CAMKMT: variants seen among roughly 807,000 people sequenced by gnomAD.
CAMKMT encodes the protein calmodulin-lysine N-methyltransferase.
A neutral mutation model predicts 48.0 loss-of-function variants in CAMKMT; 53 were observed. That is an observed-to-expected ratio of 1.10 (90% CI 0.89 to 1.39). The LOEUF (loss-of-function observed/expected upper bound fraction) is 1.39. Ranked by LOEUF, CAMKMT falls within the 40% of genes most tolerant of loss-of-function variation. The pLI is 0.00. For missense variants in CAMKMT, 428 were observed against 402.7 expected, an observed-to-expected ratio of 1.06 and a Z score of -0.54; for synonymous variants, 165 against 152.3, an observed-to-expected ratio of 1.08 and a Z score of -0.61.
chr2:44,719,327 A>G (rs1272040590), intron 7 of CAMKMT, among the ~76,000 whole-genome samples: 1 of 152,106 alleles, frequency 6.6e-6, no homozygotes, highest in African/African-American at 2.4e-5. Context: ...AACATGGCAT[A>G]GTTTCTTTTT....
intron 7 of CAMKMT, among the ~76,000 whole-genome samples, chr2:44,717,821 A>G (rs561138838): frequency 1.3e-5 from 2 of 151,742 alleles, no homozygotes; most frequent in South Asian, 2.1e-4. Flanking sequence ...TATGAGAACT[A>G]TAAGCCTAAG....
At chr2:44,636,089 A>G (rs1673114621) in intron 3 of CAMKMT, among the ~76,000 whole-genome samples, 3 of 152,222 alleles carry the variant, frequency 2.0e-5, no homozygotes, top group Non-Finnish European at 4.4e-5. Context: ...TCTGACAGGA[A>G]TATTTTTTTC....
intron 3 of CAMKMT, among the ~76,000 whole-genome samples, chr2:44,527,765 C>A (rs373166470): frequency 6.9e-6 from 1 of 144,454 alleles, no homozygotes; most frequent in African/African-American, 2.5e-5. Flanking sequence ...CTCATGACCC[C>A]CTCCTCCCAC....
chr2:44,673,269 T>G (rs1675437222), intron 3 of CAMKMT, among the ~76,000 whole-genome samples: 1 of 151,326 alleles, frequency 6.6e-6, no homozygotes, highest in African/African-American at 2.4e-5. Flanking sequence ...CTACAAAAAT[T>G]TCAAAAAGTC....
chr2:44,750,727 G>A (rs74873061), intron 8 of CAMKMT, among the ~76,000 whole-genome samples: 6,317 of 152,198 alleles, frequency 0.042, 167 homozygotes, highest in Admixed American at 0.059. Flanking sequence ...GAAATGCAAA[G>A]ATGAGGCCGG....
intron 3 of CAMKMT, among the ~76,000 whole-genome samples, chr2:44,570,009 C>T (rs1344620549): frequency 6.6e-6 from 1 of 151,784 alleles, no homozygotes; most frequent in Non-Finnish European, 1.5e-5. Flanking sequence ...CTCTAAATAC[C>T]AAATTCATAG....
intron 3 of CAMKMT, among the ~76,000 whole-genome samples, chr2:44,415,261 A>G (rs971615951): frequency 1.1e-4 from 16 of 152,256 alleles, no homozygotes; most frequent in African/African-American, 3.9e-4. Flanking sequence ...AGATTTCATC[A>G]AGTAGGTAGC....
At chr2:44,675,807 C>G (rs1483648723) in intron 3 of CAMKMT, among the ~76,000 whole-genome samples, 3 of 152,132 alleles carry the variant, frequency 2.0e-5, no homozygotes, top group Non-Finnish European at 4.4e-5. Flanking sequence ...AACTCTGTCA[C>G]CATTAAACAA....
At chr2:44,656,425 C>A (rs371960589) in intron 3 of CAMKMT, among the ~76,000 whole-genome samples, 1 of 151,834 alleles carries the variant, frequency 6.6e-6, no homozygotes, top group East Asian at 1.9e-4. Flanking sequence ...CCTGGCTTCT[C>A]AATAAGAGTG....
At chr2:44,499,993 A>T (rs1321005129) in intron 3 of CAMKMT, among the ~76,000 whole-genome samples, 3 of 152,108 alleles carry the variant, frequency 2.0e-5, no homozygotes, top group African/African-American at 7.2e-5. Flanking sequence ...CATATTTATT[A>T]TCTATCCTAG....
At chr2:44,522,798 G>C (rs554157041) in intron 3 of CAMKMT, among the ~76,000 whole-genome samples, 1 of 152,128 alleles carries the variant, frequency 6.6e-6, no homozygotes, top group African/African-American at 2.4e-5. Flanking sequence ...TTTGAGAATG[G>C]AATAGTTCAT....
At chr2:44,558,813 AAACT>A (rs1352779513) in intron 3 of CAMKMT, among the ~76,000 whole-genome samples, 1 of 152,270 alleles carries the variant, frequency 6.6e-6, no homozygotes, top group East Asian at 1.9e-4. Flanking sequence ...GAGGGTTCAA[AAACT>A]AACTATTGGG....
chr2:44,485,783 T>C (rs569060021), intron 3 of CAMKMT, among the ~76,000 whole-genome samples: 9 of 152,324 alleles, frequency 5.9e-5, no homozygotes, highest in African/African-American at 2.2e-4. Context: ...ATGCAACAGA[T>C]GACTATACTA....
intron 3 of CAMKMT, among the ~76,000 whole-genome samples, chr2:44,614,474 G>C (rs1671763257): frequency 6.6e-6 from 1 of 152,206 alleles, no homozygotes; most frequent in East Asian, 1.9e-4. Flanking sequence ...GAAGATGCTG[G>C]AGATACACCA....
chr2:44,532,895 C>T (rs1219907069), intron 3 of CAMKMT, among the ~76,000 whole-genome samples: 3 of 151,984 alleles, frequency 2.0e-5, no homozygotes, highest in South Asian at 2.1e-4. Context: ...TCACTGCAAC[C>T]TCCGTCTCCC....
chr2:44,436,237 A>G (rs1351378853), intron 3 of CAMKMT, among the ~76,000 whole-genome samples: 1 of 151,972 alleles, frequency 6.6e-6, no homozygotes, highest in Non-Finnish European at 1.5e-5. Context: ...CACCATGCCC[A>G]GCAAATTTTT....
At chr2:44,595,999 T>A (rs1403059425) in intron 3 of CAMKMT, among the ~76,000 whole-genome samples, 1 of 137,322 alleles carries the variant, frequency 7.3e-6, no homozygotes. Context: ...GGTGGGGGAC[T>A]GGGGGAGGAG....
intron 3 of CAMKMT, among the ~76,000 whole-genome samples, chr2:44,608,888 T>C (rs764342262): frequency 1.3e-5 from 2 of 152,250 alleles, no homozygotes; most frequent in East Asian, 3.8e-4. Context: ...TCTAAGCTGT[T>C]AGTTTCAGTA....
In CAMKMT at chr2:44,673,471, GAGGAAGGAAGGAAGGA is replaced by G. The variant is rs201284067; in HGVS notation, c.377-30775_377-30760del. Among the ~76,000 whole-genome samples, 141 of 116,858 alleles carry G rather than the reference GAGGAAGGAAGGAAGGA, an allele frequency of 1.2e-3. 2 individuals carry two copies. The highest frequency in any genetic ancestry group is 3.3e-3 in the African/African-American group (93 of 27,804). 76.7% of individuals were successfully genotyped at this position (116,858 alleles called of 152,430 possible). A position where few individuals can be genotyped will look rare whatever the true frequency, so the allele number is the denominator to read the frequency against. On this transcript the variant is annotated intron_variant, in intron 3 of 10. Coordinates refer to ENST00000378494, the MANE Select transcript of CAMKMT (RefSeq NM_024766.5). ...AGAGAGAAAGAGAAAGAAAGAGAGAGAGGAAGGAAGGAAGGAAGGAAGGAAGGAAGGAAGGAAGGAA... is the reference window on the plus strand; with the variant it reads ...AGAGAGAAAGAGAAAGAAAGAGAGAGAGGAAGGAAGGAAGGAAGGAAGGAA...
Sources: allele counts gnomAD v4.1 joint callset (sites outside exome capture counted in the v4.1 genomes callset), GRCh38; gene constraint gnomAD v4.1.1; transcripts MANE v1.5; gene names NCBI Gene and HGNC (gene_info 2026-07-23, HGNC 2026-07-21).